TRPC7: variants seen among roughly 807,000 people sequenced by gnomAD.
The protein encoded by TRPC7 is short transient receptor potential channel 7.
A neutral mutation model predicts 90.1 loss-of-function variants in TRPC7; 42 were observed. The observed-to-expected ratio is 0.47, with a 90% confidence interval of 0.36 to 0.60. The LOEUF (loss-of-function observed/expected upper bound fraction) is 0.60, where lower values mean the gene tolerates loss of function less well. Among genes scored for constraint, TRPC7 ranks in the 20% least tolerant of loss-of-function variants. The pLI is 0.00. For synonymous variants in TRPC7, 451 were observed against 436.3 expected (o/e 1.03, Z -0.42); for missense variants, 955 against 1,112.3 (o/e 0.86, Z 2.01).
In TRPC7 at chr5:136,213,420, C is replaced by T. The variant is rs368959669; in HGVS notation, c.*15G>A. 119 of 1,612,240 alleles carry T rather than the reference C, an allele frequency of 7.4e-5. No individual in the cohort carries two copies. In the African/African-American group the frequency reaches 1.4e-3, roughly 19 times the overall value. On this transcript the variant is annotated 3_prime_UTR_variant, in exon 12 of 12. Transcript: ENST00000513104. ...TTGGAATGCTGGTAGAAGTCACAGA[C>T]GCCGATGTGGGCTGCTAAATGTCTT...
In TRPC7 at chr5:136,213,389, C is replaced by T. The variant is rs536049603; in HGVS notation, c.*46G>A. 43 of 1,601,724 alleles carry T rather than the reference C, an allele frequency of 2.7e-5. No homozygotes were observed. In the African/African-American group the frequency reaches 5.2e-4, roughly 19 times the overall value. ...AAGGATGGGGGCGAGGGCATCCAAC[C>T]TGGCCTTGGAATGCTGGTAGAAGTC... On this transcript the variant is annotated 3_prime_UTR_variant, in exon 12 of 12. Transcript: ENST00000513104.
At chr5:136,282,125 A>G (rs1240263704) in intron 3 of TRPC7, among the ~76,000 whole-genome samples, 1 of 152,226 alleles carries the variant, frequency 6.6e-6, no homozygotes, top group Non-Finnish European at 1.5e-5. Flanking sequence ...TAATTAAATG[A>G]AAAAAGACAG....
At chr5:136,363,787 A>G (rs1760641161) in intron 1 of TRPC7, among the ~76,000 whole-genome samples, 1 of 152,180 alleles carries the variant, frequency 6.6e-6, no homozygotes, top group South Asian at 2.1e-4. Flanking sequence ...GGTACCACCT[A>G]TCCAAATATA....
In TRPC7 at chr5:136,247,825, C is replaced by T. The variant is rs376815331; in HGVS notation, c.1580-90G>A. The T allele has an allele frequency of 1.8e-5, 26 of 1,445,156 alleles. No individual in the cohort carries two copies. The African/African-American group carries it at 3.1e-4, about 17-fold the overall frequency. The allele number at this position is 1,445,156 out of a possible 1,614,324, so 89.5% of individuals were successfully genotyped here. On this transcript the variant is annotated intron_variant, in intron 6 of 11. Coordinates refer to ENST00000513104, the MANE Select transcript of TRPC7 (RefSeq NM_020389.3). The surrounding 1 kb of genome is among the most constrained non-coding windows in gnomAD (Gnocchi z 4.2). ...AGGCATCTTTAGAGGTCTCCAACTG[C>T]ATCATTTGCCATTCTTGTCCTTGTC...
chr5:136,234,631 C>G (rs1755931035), intron 7 of TRPC7, among the ~76,000 whole-genome samples: 1 of 152,154 alleles, frequency 6.6e-6, no homozygotes, highest in Non-Finnish European at 1.5e-5. Flanking sequence ...TTCTAATGAT[C>G]TCTTCTAAGC....
At chr5:136,347,021 T>C (rs1760028326) in intron 2 of TRPC7, among the ~76,000 whole-genome samples, 2 of 152,214 alleles carry the variant, frequency 1.3e-5, no homozygotes, top group South Asian at 4.1e-4. Context: ...AGAATCCTAC[T>C]GCATTATAAC....
chr5:136,248,601 A>G (rs1041243212), intron 6 of TRPC7, among the ~76,000 whole-genome samples: 5 of 152,212 alleles, frequency 3.3e-5, no homozygotes, highest in Non-Finnish European at 7.3e-5. Flanking sequence ...CTAAGGCCCC[A>G]AAGTGGTGAC....
Position 136,317,817 on chromosome 5 carries a change from T to G in TRPC7, c.781-2038A>C, listed in dbSNP as rs147780878. Among the ~76,000 whole-genome samples, 43 of 152,268 alleles carry G rather than the reference T, an allele frequency of 2.8e-4. No individual in the cohort carries two copies. The East Asian group carries it at 8.3e-3, about 29-fold the overall frequency. ...GAAAGTGAAAAGGACTTGATCCAGC[T>G]CTTGTCCCAGGCTCCCCATGCTAGG... On this transcript the variant is annotated intron_variant, in intron 2 of 11. Coordinates refer to ENST00000513104, the MANE Select transcript of TRPC7 (RefSeq NM_020389.3).
chr5:136,236,005 G>A (rs1477190743), intron 7 of TRPC7, among the ~76,000 whole-genome samples: 1 of 152,208 alleles, frequency 6.6e-6, no homozygotes, highest in Non-Finnish European at 1.5e-5. Context: ...TATGAAATTG[G>A]CATAATGATG....
intron 7 of TRPC7, among the ~76,000 whole-genome samples, chr5:136,235,792 T>C (rs1017730247): frequency 1.4e-4 from 22 of 152,222 alleles, no homozygotes; most frequent in African/African-American, 3.9e-4. Context: ...CTACTGGCTC[T>C]ACAACCTCTT....
intron 3 of TRPC7, among the ~76,000 whole-genome samples, chr5:136,287,135 A>C (rs1757746176): frequency 6.6e-6 from 1 of 152,140 alleles, no homozygotes; most frequent in Non-Finnish European, 1.5e-5. Context: ...GGGTGTCTGA[A>C]TAACCTTCCT....
intron 6 of TRPC7, among the ~76,000 whole-genome samples, chr5:136,249,661 T>C (rs566691411): frequency 9.8e-5 from 15 of 152,330 alleles, no homozygotes; most frequent in African/African-American, 3.6e-4. Flanking sequence ...GGACTTATAT[T>C]GAAAAATATT....
At chr5:136,281,087 A>T (rs1045923964) in intron 3 of TRPC7, among the ~76,000 whole-genome samples, 1 of 152,216 alleles carries the variant, frequency 6.6e-6, no homozygotes, top group Non-Finnish European at 1.5e-5. Context: ...ACAAGGGATT[A>T]TGGTGATTTT....
chr5:136,254,441 T>C (rs1249986377), intron 5 of TRPC7, among the ~76,000 whole-genome samples: 1 of 152,136 alleles, frequency 6.6e-6, no homozygotes, highest in Non-Finnish European at 1.5e-5. Flanking sequence ...CCCTTAAGAA[T>C]TATGCTAAAT....
At chr5:136,349,883 C>A (rs1760136219) in intron 2 of TRPC7, among the ~76,000 whole-genome samples, 1 of 152,170 alleles carries the variant, frequency 6.6e-6, no homozygotes, top group African/African-American at 2.4e-5. Flanking sequence ...AATGGAGCTG[C>A]CCTATACAGG....
intron 2 of TRPC7, among the ~76,000 whole-genome samples, chr5:136,324,477 C>T (rs1319456291): frequency 6.6e-6 from 1 of 152,116 alleles, no homozygotes; most frequent in African/African-American, 2.4e-5. Context: ...GCTCTCTGTT[C>T]AACAGAGGTA....
intron 1 of TRPC7, among the ~76,000 whole-genome samples, chr5:136,359,304 A>T (rs1382004014): frequency 1.3e-5 from 2 of 152,188 alleles, no homozygotes; most frequent in African/African-American, 4.8e-5. Flanking sequence ...CTCCTAAATT[A>T]TATATGGAGC....
Position 136,266,306 on chromosome 5 carries a change from G to T in TRPC7, c.1259C>A (p.Thr420Asn), listed in dbSNP as rs766284820. The T allele has an allele frequency of 2.5e-6, 4 of 1,613,910 alleles. No homozygotes were observed. Among genetic ancestry groups the T allele is most frequent in the Non-Finnish European group, 3.4e-6 (4 of 1,179,830 alleles). ...FEGVKTLPNE[T>N]FTDYPKQIFR... ...GATTTGTTTTGGGTAGTCTGTGAAG[G>T]TTTCGTTTGGCAGGGTTTTAACACC... The change falls in exon 5 of 12, where the codon ACC becomes AAC. Residue 420 changes from threonine (T) to asparagine (N), a missense_variant. Transcript: ENST00000513104.
intron 6 of TRPC7, among the ~76,000 whole-genome samples, chr5:136,250,058 T>C (rs1356379697): frequency 6.6e-6 from 1 of 152,214 alleles, no homozygotes; most frequent in Non-Finnish European, 1.5e-5. Flanking sequence ...TTAAGAAAAG[T>C]ACATAATGCA....
Sources: allele counts gnomAD v4.1 joint callset (sites outside exome capture counted in the v4.1 genomes callset), GRCh38; gene constraint gnomAD v4.1.1; non-coding constraint Gnocchi (gnomAD v3.1); transcripts MANE v1.5; gene names NCBI Gene and HGNC (gene_info 2026-07-23, HGNC 2026-07-21).